Variants in PHKA1 observed in about 807,000 individuals in gnomAD.
The protein encoded by PHKA1 is phosphorylase kinase regulatory subunit alpha 1, also known as phosphorylase b kinase regulatory subunit alpha, skeletal muscle isoform.
Under a neutral mutation model 110.2 loss-of-function variants are expected in PHKA1, and 60 were observed. The observed-to-expected ratio is 0.54, with a 90% CI of 0.44 to 0.68. The LOEUF (loss-of-function observed/expected upper bound fraction) is 0.68. PHKA1 is among the 30% of genes least tolerant of loss of function. The pLI, the probability that PHKA1 is intolerant of heterozygous loss-of-function variation, is 0.00. For missense variants in PHKA1, 801 were observed against 942.5 expected, an observed-to-expected ratio of 0.85 and a Z score of 1.97; for synonymous variants, 316 against 333.6, an observed-to-expected ratio of 0.95 and a Z score of 0.58.
At chrX:72,697,750 G>A (rs1383378784) in intron 3 of PHKA1, among the ~76,000 whole-genome samples, 1 of 109,744 alleles carries the variant, frequency 9.1e-6, no homozygotes, top group African/African-American at 3.3e-5. Context: ...TTTGGGAGAC[G>A]GAGGCGGGTG....
At chrX:72,616,023 A>G (rs2052891654) in intron 21 of PHKA1, among the ~76,000 whole-genome samples, 1 of 111,928 alleles carries the variant, frequency 8.9e-6, no homozygotes, top group Non-Finnish European at 1.9e-5. Flanking sequence ...AAGATATTCC[A>G]TGCAAATGGA....
At chrX:72,633,675 C>T (rs1423208100) in intron 16 of PHKA1, among the ~76,000 whole-genome samples, 5 of 111,337 alleles carry the variant, frequency 4.5e-5, no homozygotes, top group African/African-American at 1.6e-4. Context: ...GGATTAGTTT[C>T]TTTGACATCA....
intron 8 of PHKA1, 29 bp from the exon 9 acceptor site, chrX:72,657,670 G>C (rs1439019032): frequency 3.5e-6 from 4 of 1,131,391 alleles, no homozygotes; most frequent in Admixed American, 4.4e-5. Context: ...AAGGTCAGCA[G>C]CTTGTACACT....
intron 8 of PHKA1, among the ~76,000 whole-genome samples, chrX:72,661,428 T>A (rs1347098780): frequency 1.8e-5 from 2 of 111,292 alleles, no homozygotes; most frequent in Non-Finnish European, 3.8e-5. Flanking sequence ...TCGTCATACA[T>A]CTCTGGTGTA....
chrX:72,706,337 C>T lies in PHKA1; in HGVS notation c.238-1092G>A, dbSNP rs1221841817. The stretch of plus-strand genomic sequence containing the variant: ...GAATAGGCAGTGCATGATCTTGTCA[C>T]ATTTTAAAGCCTGAAACATTTATTA... On this transcript the variant is annotated intron_variant, in intron 2 of 31. Transcript: ENST00000373542. Among the ~76,000 whole-genome samples the T allele has an allele frequency of 3.6e-5, 4 of 111,820 alleles. No homozygotes were observed. In the East Asian group the frequency reaches 8.4e-4, roughly 23 times the overall value.
rs955950876 is a variant in PHKA1, at chrX:72,580,482, T to C, written c.*520A>G. ...GAAAACCATGATCCAGTACTCTCTTTTCCTAAGAAAAGGCACGTAGAATAG... is the reference window on the plus strand; with the variant it reads ...GAAAACCATGATCCAGTACTCTCTTCTCCTAAGAAAAGGCACGTAGAATAG... On this transcript the variant is annotated 3_prime_UTR_variant, in exon 32 of 32. Transcript: ENST00000373542. 1.6e-5 allele frequency: 2 copies of C among 122,634 alleles called. No homozygotes were observed. The highest frequency in any genetic ancestry group is 6.5e-5 in the African/African-American group (2 of 30,933). The allele number at this position is 122,634 out of a possible 1,213,427, so 10.1% of individuals were successfully genotyped here.
chrX:72,633,926 C>T (rs1239395835), intron 16 of PHKA1, among the ~76,000 whole-genome samples: 1 of 111,859 alleles, frequency 8.9e-6, no homozygotes, highest in Admixed American at 9.5e-5. Context: ...TCTCCTCTCA[C>T]AGGTCAAGTT....
intron 8 of PHKA1, among the ~76,000 whole-genome samples, chrX:72,665,741 A>G (rs1348338410): frequency 4.5e-5 from 5 of 112,256 alleles, no homozygotes; most frequent in Admixed American, 1.9e-4. Context: ...ATTCTACTGC[A>G]TGAATATAGT....
chrX:72,635,328 T>G, intron 15 of PHKA1, 29 bp from the exon 16 acceptor site: 3 of 1,156,714 alleles, frequency 2.6e-6, no homozygotes, highest in Non-Finnish European at 3.5e-6. Context: ...ATAGATTAGA[T>G]TAATTTACTC....
At chrX:72,583,043 T>C (rs958535229) in intron 30 of PHKA1, among the ~76,000 whole-genome samples, 1 of 112,129 alleles carries the variant, frequency 8.9e-6, no homozygotes, top group East Asian at 2.8e-4. Flanking sequence ...ATTGTATGTA[T>C]AATACATAAA....
At chrX:72,582,266 A>C in intron 31 of PHKA1, 132 bp downstream of exon 31, 10 of 469,808 alleles carry the variant, frequency 2.1e-5, no homozygotes, top group East Asian at 7.7e-5. Context: ...CAGAGCCGCT[A>C]CAAAGGGGGC....
chrX:72,610,318 T>C (rs781899864), intron 22 of PHKA1, among the ~76,000 whole-genome samples: 4 of 111,585 alleles, frequency 3.6e-5, no homozygotes, highest in African/African-American at 1.3e-4. Flanking sequence ...TTCTACTCTC[T>C]ACCTCTATGA....
chrX:72,619,489 CAATT>C (rs1404333256), intron 19 of PHKA1, among the ~76,000 whole-genome samples, 184 bp from the exon 20 acceptor site: 3 of 111,647 alleles, frequency 2.7e-5, no homozygotes, highest in Non-Finnish European at 5.7e-5. Context: ...AAATAATGTG[CAATT>C]AATAAGTATA....
chrX:72,646,222 C>A (rs2147750664), intron 13 of PHKA1, among the ~76,000 whole-genome samples: 1 of 111,889 alleles, frequency 8.9e-6, no homozygotes, highest in East Asian at 2.8e-4. Context: ...GCTTTCCAAA[C>A]TGCTTTCTAC....
At chrX:72,641,972 A>G (rs1329951684) in intron 14 of PHKA1, among the ~76,000 whole-genome samples, 1 of 111,859 alleles carries the variant, frequency 8.9e-6, no homozygotes, top group Non-Finnish European at 1.9e-5. Flanking sequence ...TTGCATGGCT[A>G]TGTCTTCCAT....
intron 18 of PHKA1, among the ~76,000 whole-genome samples, chrX:72,621,127 T>G (rs1199575245): frequency 1.8e-5 from 2 of 111,345 alleles, no homozygotes; most frequent in Non-Finnish European, 3.8e-5. Context: ...CTCTTCAACT[T>G]GCTGAGACAA....
At chrX:72,679,049 G>A (rs2053812561) in intron 5 of PHKA1, among the ~76,000 whole-genome samples, 1 of 112,254 alleles carries the variant, frequency 8.9e-6, no homozygotes, top group African/African-American at 3.2e-5. Context: ...GCAGAATAAT[G>A]AAGAATGCAT....
At chrX:72,672,376 C>T (rs2053716911) in intron 6 of PHKA1, among the ~76,000 whole-genome samples, 1 of 111,686 alleles carries the variant, frequency 9.0e-6, no homozygotes, top group Non-Finnish European at 1.9e-5. Context: ...GTTCATCATG[C>T]TGATAAAGTC....
At chrX:72,610,621 CT>C (rs1377862935) in intron 22 of PHKA1, among the ~76,000 whole-genome samples, 19 of 111,400 alleles carry the variant, frequency 1.7e-4, no homozygotes, top group African/African-American at 6.2e-4. Flanking sequence ...GATTTCCTTT[CT>C]TTTTGATATA....
Sources: gnomAD v4.1 joint callset for allele counts (sites outside exome capture counted in the v4.1 genomes callset) on GRCh38, gnomAD v4.1.1 for gene constraint, MANE v1.5 for transcripts, NCBI Gene and HGNC (gene_info 2026-07-23, HGNC 2026-07-21) for gene names.